Variants in STK3 observed in about 807,000 individuals in gnomAD.
STK3 encodes serine/threonine-protein kinase 3.
A neutral mutation model predicts 58.0 loss-of-function variants in STK3; 41 were observed. That is an observed-to-expected ratio of 0.71 (90% CI 0.55 to 0.92). STK3 has a LOEUF of 0.92. Ranked by LOEUF, STK3 falls within the 40% of genes least tolerant of loss-of-function variation. The pLI, the probability that STK3 is intolerant of heterozygous loss-of-function variation, is 0.00. For missense variants in STK3, 479 were observed against 602.7 expected, an observed-to-expected ratio of 0.79 and a Z score of 2.15; for synonymous variants, 170 against 191.0, an observed-to-expected ratio of 0.89 and a Z score of 0.91.
chr8:98,714,495 A>G (rs1370820604), intron 4 of STK3, among the ~76,000 whole-genome samples: 2 of 152,134 alleles, frequency 1.3e-5, no homozygotes, highest in Non-Finnish European at 2.9e-5. Context: ...ATAACAGACA[A>G]ACAGAGAGAC....
At chr8:98,879,405 C>T (rs1358421496), downstream of STK3, 2 of 152,124 alleles carry the variant, frequency 1.3e-5, no homozygotes, top group Admixed American at 6.6e-5. Flanking sequence ...TCTTTCACTT[C>T]GAGGCATCAG....
intron 2 of STK3, among the ~76,000 whole-genome samples, chr8:98,771,517 T>G (rs1178049906): frequency 1.3e-5 from 2 of 152,138 alleles, no homozygotes; most frequent in Admixed American, 1.3e-4. Flanking sequence ...GTAAGAGGTT[T>G]AATTATTTTA....
intron 6 of STK3, among the ~76,000 whole-genome samples, chr8:98,614,802 G>A (rs1817533053): frequency 6.6e-6 from 1 of 152,130 alleles, no homozygotes; most frequent in Non-Finnish European, 1.5e-5. Context: ...TGGCTTGGAG[G>A]GTCCTACACC....
intron 3 of STK3, among the ~76,000 whole-genome samples, chr8:98,868,046 T>C (rs1247692056): frequency 1.3e-5 from 2 of 152,186 alleles, no homozygotes; most frequent in Non-Finnish European, 2.9e-5. Flanking sequence ...GGATGTTCCA[T>C]GGATCTGAAT....
intron 1 of STK3, among the ~76,000 whole-genome samples, chr8:98,446,823 A>G (rs1203586542): frequency 1.3e-5 from 2 of 152,186 alleles, no homozygotes; most frequent in African/African-American, 4.8e-5. Flanking sequence ...AATAGCAAGG[A>G]CATGGATTCA....
intron 3 of STK3, among the ~76,000 whole-genome samples, chr8:98,870,740 T>C (rs1055983302): frequency 1.3e-5 from 2 of 152,242 alleles, no homozygotes; most frequent in Non-Finnish European, 2.9e-5. Context: ...TTCTGGATAT[T>C]AGCCCTTTGT....
chr8:98,862,556 C>A (rs190643694), intron 3 of STK3, among the ~76,000 whole-genome samples: 1 of 152,266 alleles, frequency 6.6e-6, no homozygotes, highest in East Asian at 1.9e-4. Context: ...TTGTTTCTTG[C>A]CAGGAAAATG....
At chr8:98,593,294 T>C (rs1815494545) in intron 7 of STK3, among the ~76,000 whole-genome samples, 1 of 152,260 alleles carries the variant, frequency 6.6e-6, no homozygotes, top group Non-Finnish European at 1.5e-5. Context: ...AGAAAATCAA[T>C]CACTATTTTA....
At chr8:98,722,981 C>CA (rs201288237) in intron 4 of STK3, 30,954 of 375,366 alleles carry the variant, frequency 0.082, 822 homozygotes, top group South Asian at 0.17. Flanking sequence ...TTAAAACAAA[C>CA]AAAAAAAAAA....
chr8:98,626,748 C>T (rs906704556), intron 6 of STK3, among the ~76,000 whole-genome samples: 12 of 152,198 alleles, frequency 7.9e-5, no homozygotes, highest in African/African-American at 2.9e-4. Context: ...AGGAAGACTA[C>T]ATGCAAGTCT....
chr8:98,820,457 C>G (rs936639977), intron 1 of STK3, among the ~76,000 whole-genome samples: 2 of 152,180 alleles, frequency 1.3e-5, no homozygotes, highest in Non-Finnish European at 2.9e-5. Flanking sequence ...GAGGAACAAG[C>G]CTATCTGGTA....
intron 8 of STK3, among the ~76,000 whole-genome samples, chr8:98,563,437 A>G (rs1812222985): frequency 6.6e-6 from 1 of 152,316 alleles, no homozygotes; most frequent in South Asian, 2.1e-4. Flanking sequence ...GCCTACATAT[A>G]TAGTTATAAA....
At chr8:98,654,286 C>A (rs912628529) in intron 6 of STK3, among the ~76,000 whole-genome samples, 2 of 152,170 alleles carry the variant, frequency 1.3e-5, no homozygotes, top group African/African-American at 2.4e-5. Context: ...TTCAACAATC[C>A]TTCATGCTAA....
intron 4 of STK3, among the ~76,000 whole-genome samples, chr8:98,727,694 G>A (rs868146782): frequency 1.2e-4 from 18 of 152,114 alleles, no homozygotes; most frequent in Middle Eastern, 3.2e-3. Context: ...AATAATTGGC[G>A]GAAAGAAAAG....
At chr8:98,421,009 ATGG>A (rs1818167401) in intron 3 of STK3, among the ~76,000 whole-genome samples, 1 of 152,208 alleles carries the variant, frequency 6.6e-6, no homozygotes, top group African/African-American at 2.4e-5. Flanking sequence ...AGCTAGCTTC[ATGG>A]TGCGGGGCTG....
intron 8 of STK3, among the ~76,000 whole-genome samples, chr8:98,565,657 A>G (rs1054779901): frequency 6.6e-6 from 1 of 152,140 alleles, no homozygotes; most frequent in Non-Finnish European, 1.5e-5. Flanking sequence ...GCTTTATATC[A>G]TACACAACAC....
intron 6 of STK3, among the ~76,000 whole-genome samples, chr8:98,596,994 G>GT (rs2129990940): frequency 6.6e-6 from 1 of 152,182 alleles, no homozygotes; most frequent in South Asian, 2.1e-4. Context: ...AACTAGAATA[G>GT]TATCTACAGG....
chr8:98,345,336 G>A, the STK3 span, among the ~76,000 whole-genome samples: 2 of 151,986 alleles, frequency 1.3e-5, no homozygotes, highest in Non-Finnish European at 2.9e-5. Context: ...CCACTCGTTT[G>A]CATGTAACAC....
chr8:98,496,013 T>C (rs1045994191), intron 10 of STK3, among the ~76,000 whole-genome samples: 15 of 152,192 alleles, frequency 9.9e-5, no homozygotes, highest in Admixed American at 5.2e-4. Flanking sequence ...TGTGTTATCA[T>C]AGCACCTTAT....
Sources: gnomAD v4.1 joint callset for allele counts (sites outside exome capture counted in the v4.1 genomes callset) on GRCh38, gnomAD v4.1.1 for gene constraint, MANE v1.5 for transcripts, NCBI Gene and HGNC (gene_info 2026-07-23, HGNC 2026-07-21) for gene names.